Variants in CLEC4C observed in about 807,000 individuals in gnomAD.
CLEC4C encodes the protein C-type lectin domain family 4 member C.
CLEC4C carries 17 observed loss-of-function variants against 27.7 expected under a neutral mutation model. That is an observed-to-expected ratio of 0.61 (90% CI 0.42 to 0.92). CLEC4C has a LOEUF of 0.92. CLEC4C is among the 40% of genes least tolerant of loss of function. CLEC4C has a pLI of 0.00. For missense variants in CLEC4C, 244 were observed against 257.3 expected (o/e 0.95, Z 0.35); for synonymous variants, 80 against 80.8 (o/e 0.99, Z 0.06).
At chr12:7,743,805 C>A (rs140794668) in intron 2 of CLEC4C, among the ~76,000 whole-genome samples, 12 of 151,934 alleles carry the variant, frequency 7.9e-5, no homozygotes, top group Admixed American at 7.2e-4. Flanking sequence ...TGTATTAGTC[C>A]GTTTTTGCAT....
chr12:7,738,688 G>A (rs1864782178), intron 3 of CLEC4C, among the ~76,000 whole-genome samples: 1 of 152,080 alleles, frequency 6.6e-6, no homozygotes, highest in African/African-American at 2.4e-5. Flanking sequence ...TATTTGTAGA[G>A]ACAGAGTCTT....
At chr12:7,730,938 T>C (rs1234344304) in intron 4 of CLEC4C, 26 bp from the exon 5 acceptor site, 1 of 1,221,804 alleles carries the variant, frequency 8.2e-7, no homozygotes. Flanking sequence ...GGAAGAGTCA[T>C]AGCTGATAGA....
At chr12:7,740,490 A>G (rs1250064981) in intron 3 of CLEC4C, among the ~76,000 whole-genome samples, 1 of 151,818 alleles carries the variant, frequency 6.6e-6, no homozygotes, top group Non-Finnish European at 1.5e-5. Flanking sequence ...GCCTGAGCTC[A>G]GGAGTTCACG....
At chr12:7,731,606 G>A (rs1864596587) in intron 4 of CLEC4C, among the ~76,000 whole-genome samples, 1 of 152,192 alleles carries the variant, frequency 6.6e-6, no homozygotes, top group South Asian at 2.1e-4. Context: ...AAGGGCCCCT[G>A]TCCAGCAGCA....
upstream of CLEC4C, among the ~76,000 whole-genome samples, chr12:7,747,861 C>T (rs1015045080): frequency 1.3e-4 from 18 of 139,448 alleles, no homozygotes; most frequent in South Asian, 2.2e-4. Context: ...AGGCTTGTCT[C>T]GAACTCCTGA....
intron 4 of CLEC4C, among the ~76,000 whole-genome samples, chr12:7,732,859 G>A (rs773734327): frequency 3.7e-4 from 56 of 151,894 alleles, no homozygotes; most frequent in African/African-American, 1.3e-3. Context: ...TGAGGCAGGA[G>A]AATGGCATGA....
intron 2 of CLEC4C, among the ~76,000 whole-genome samples, chr12:7,742,088 G>C (rs1864869053): frequency 6.6e-6 from 1 of 152,086 alleles, no homozygotes; most frequent in Non-Finnish European, 1.5e-5. Context: ...GCTGAGGCAG[G>C]AAAATCACTT....
chr12:7,748,840 A>C (rs1342962625), upstream of CLEC4C, among the ~76,000 whole-genome samples: 1 of 152,218 alleles, frequency 6.6e-6, no homozygotes, highest in Non-Finnish European at 1.5e-5. Context: ...AAGCAGAAAG[A>C]ATGACAAATT....
At chr12:7,747,515 TC>T, upstream of CLEC4C, 1 of 599,238 alleles carries the variant, frequency 1.7e-6, no homozygotes, top group Non-Finnish European at 3.0e-6. Flanking sequence ...CTTAGGAGAC[TC>T]TGCAGTGAGC....
chr12:7,749,107 A>G (rs1865047462), upstream of CLEC4C: 1 of 152,316 alleles, frequency 6.6e-6, no homozygotes, highest in South Asian at 2.1e-4. Context: ...AGCTGCATGT[A>G]CTCACGGCCT....
At chr12:7,747,529 A>C (rs1401665295), upstream of CLEC4C, 1 of 526,730 alleles carries the variant, frequency 1.9e-6, no homozygotes, top group Non-Finnish European at 3.4e-6. Context: ...CAGTGAGCTA[A>C]AGCTTTCAAT....
At chr12:7,744,147 G>A (rs1324398845) in intron 2 of CLEC4C, among the ~76,000 whole-genome samples, 4 of 152,100 alleles carry the variant, frequency 2.6e-5, no homozygotes, top group Non-Finnish European at 5.9e-5. Flanking sequence ...CCAACAGTGG[G>A]GATTTCAAAT....
chr12:7,732,388 T>C (rs2120365979), intron 4 of CLEC4C, among the ~76,000 whole-genome samples: 1 of 145,046 alleles, frequency 6.9e-6, no homozygotes, highest in South Asian at 2.2e-4. Flanking sequence ...AGTCTCACTC[T>C]GTCGCCAGGC....
rs1193664214 is a variant in CLEC4C, at chr12:7,729,681, C to G, written c.557G>C (p.Arg186Pro). The G allele has an allele frequency of 6.2e-7, 1 of 1,613,338 alleles. No individual in the cohort carries two copies. The highest frequency in any genetic ancestry group is 2.2e-5 in the East Asian group (1 of 44,876). ...ATTCCAGCCCCATTCTTCTGAAGAACGGAAATTTATTATCGCACAACGCTC... is the reference window on the plus strand; with the variant it reads ...ATTCCAGCCCCATTCTTCTGAAGAAGGGAAATTTATTATCGCACAACGCTC... ...LDERCAIINF[R>P]SSEEWGWNDI... Residue 186 changes from arginine (R) to proline (P), a missense_variant, in exon 6 of 6, where the codon CGT becomes CCT. By Grantham distance (103) the Arg-to-Pro change is moderately radical. Coordinates refer to ENST00000360345, the MANE Select transcript of CLEC4C (RefSeq NM_001371390.1).
intron 2 of CLEC4C, among the ~76,000 whole-genome samples, chr12:7,743,092 C>T (rs751304993): frequency 6.6e-6 from 1 of 152,238 alleles, no homozygotes; most frequent in East Asian, 1.9e-4. Context: ...GCTATATACC[C>T]AGCACCTAGA....
intron 2 of CLEC4C, among the ~76,000 whole-genome samples, chr12:7,744,179 C>T (rs1864922409): frequency 6.6e-6 from 1 of 152,194 alleles, no homozygotes; most frequent in South Asian, 2.1e-4. Flanking sequence ...GTTGTCCCTT[C>T]CAAATTTCAA....
chr12:7,747,507 T>G (rs1313537373), upstream of CLEC4C: 1 of 651,102 alleles, frequency 1.5e-6, no homozygotes, highest in African/African-American at 1.8e-5. Flanking sequence ...AGATGTGACT[T>G]AGGAGACTCT....
At chr12:7,741,850 G>A (rs927643944) in intron 2 of CLEC4C, among the ~76,000 whole-genome samples, 15 of 152,176 alleles carry the variant, frequency 9.9e-5, no homozygotes, top group Non-Finnish European at 1.5e-4. Context: ...GTGAAACCCC[G>A]TCTCTACTAA....
chr12:7,732,941 G>C (rs894924650), intron 4 of CLEC4C, among the ~76,000 whole-genome samples: 2 of 151,816 alleles, frequency 1.3e-5, no homozygotes, highest in African/African-American at 4.8e-5. Flanking sequence ...GAGGGACAGA[G>C]CAACATTCTG....
Sources: gnomAD v4.1 joint callset for allele counts (sites outside exome capture counted in the v4.1 genomes callset) on GRCh38, gnomAD v4.1.1 for gene constraint, MANE v1.5 for transcripts, NCBI Gene and HGNC (gene_info 2026-07-23, HGNC 2026-07-21) for gene names.